FNBP1: variants seen among roughly 807,000 people sequenced by gnomAD.
The protein encoded by FNBP1 is formin-binding protein 1.
A neutral mutation model predicts 90.6 loss-of-function variants in FNBP1; 26 were observed. That is an observed-to-expected ratio of 0.29 (90% confidence interval 0.21 to 0.40). The LOEUF is 0.40. Ranked by LOEUF, FNBP1 falls within the 10% of genes least tolerant of loss-of-function variation. FNBP1 has a pLI of 1.00. For missense variants in FNBP1, 635 were observed against 768.0 expected (o/e 0.83, Z 2.05); for synonymous variants, 260 against 265.2 (o/e 0.98, Z 0.19).
chr9:130,032,568 T>C (rs903713691), intron 1 of FNBP1, among the ~76,000 whole-genome samples: 1 of 152,196 alleles, frequency 6.6e-6, no homozygotes, highest in African/African-American at 2.4e-5. Flanking sequence ...TGCCCAAACA[T>C]TTCCAGAAAT....
At position 129,889,399 on chromosome 9, in the gene FNBP1, G is replaced by A. The variant is rs2034929577; in HGVS notation, c.*1140C>T. 1 of 180,286 alleles carries A rather than the reference G, an allele frequency of 5.5e-6. No individual in the cohort carries two copies. Among genetic ancestry groups the A allele is most frequent in the Non-Finnish European group, 1.2e-5 (1 of 84,266 alleles). The allele number at this position is 180,286 out of a possible 1,614,324, so 11.2% of individuals were successfully genotyped here. A position where few individuals can be genotyped will look rare whatever the true frequency, so the allele number is the denominator to read the frequency against. ...AGCCTGACCAACACGGTGAAACCCT[G>A]TCTCTACTAAAAATACAAACATTAG... On this transcript the variant is annotated 3_prime_UTR_variant, in exon 17 of 17. Coordinates refer to ENST00000446176, the MANE Select transcript of FNBP1 (RefSeq NM_015033.3).
Position 129,953,414 on chromosome 9 carries a change from C to T in FNBP1, c.513+3946G>A, listed in dbSNP as rs187089783. Among the ~76,000 whole-genome samples, 241 of 152,088 alleles carry T rather than the reference C, an allele frequency of 1.6e-3. 1 individual carries two copies. The highest frequency in any genetic ancestry group is 3.4e-3 in the Middle Eastern group (1 of 294). On this transcript the variant is annotated intron_variant, in intron 6 of 16. Transcript: ENST00000446176. ...CTGAGGCAGGAGAACTGCTTGAACC[C>T]GGGAGGCAGAGGTTGCAATGAGCCA... is the stretch of plus-strand genomic sequence containing the variant.
rs1209798784 is a variant in FNBP1 at position 129,965,214 on chromosome 9, A to C, written c.346-6661T>G. On this transcript the variant is annotated intron_variant, in intron 4 of 16. Transcript: ENST00000446176. Reference sequence around the variant, plus strand: ...AGTGGGTATGTCGTACCCCACTTAAAACCCAAACCAGAAACCAGAAACGTT... The same window carrying C: ...AGTGGGTATGTCGTACCCCACTTAACACCCAAACCAGAAACCAGAAACGTT... Among the ~76,000 whole-genome samples, 4 of 152,238 alleles carry C rather than the reference A, an allele frequency of 2.6e-5. No homozygotes were observed. In the South Asian group the frequency reaches 6.2e-4, roughly 24 times the overall value.
intron 1 of FNBP1, among the ~76,000 whole-genome samples, chr9:130,002,438 G>C (rs185047151): frequency 6.6e-6 from 1 of 152,104 alleles, no homozygotes; most frequent in African/African-American, 2.4e-5. Context: ...CCTTGGTGCC[G>C]TCCTTGACGT....
intron 6 of FNBP1, among the ~76,000 whole-genome samples, chr9:129,935,716 T>C (rs1290529364): frequency 1.3e-5 from 2 of 152,148 alleles, no homozygotes; most frequent in African/African-American, 4.8e-5. Flanking sequence ...CTCGATCTCC[T>C]GACCTCGTGA....
intron 16 of FNBP1, among the ~76,000 whole-genome samples, chr9:129,892,660 C>G (rs1165766528): frequency 6.6e-6 from 1 of 152,136 alleles, no homozygotes; most frequent in Non-Finnish European, 1.5e-5. Context: ...TTTATATTAA[C>G]AGACAACTGC....
intron 6 of FNBP1, among the ~76,000 whole-genome samples, chr9:129,948,497 T>C (rs1028455168): frequency 6.7e-6 from 1 of 149,826 alleles, no homozygotes; most frequent in African/African-American, 2.5e-5. Context: ...CCTGAGTAAG[T>C]GGGATTACAG....
chr9:130,033,082 C>T (rs1448015247), intron 1 of FNBP1, among the ~76,000 whole-genome samples: 1 of 152,084 alleles, frequency 6.6e-6, no homozygotes, highest in African/African-American at 2.4e-5. Context: ...CAGTTTGTTC[C>T]CAGGGACCAG....
intron 1 of FNBP1, among the ~76,000 whole-genome samples, chr9:130,025,778 G>T (rs978848903): frequency 3.9e-5 from 6 of 152,156 alleles, no homozygotes; most frequent in African/African-American, 1.4e-4. Context: ...ACAAAAATTA[G>T]CCGGGCGTGG....
intron 6 of FNBP1, among the ~76,000 whole-genome samples, chr9:129,943,985 T>C (rs2044759718): frequency 2.8e-4 from 1 of 3,532 alleles, no homozygotes; most frequent in Admixed American, 4.6e-3. Flanking sequence ...AGAGCGAGAC[T>C]CCATCTCAAA....
At chr9:129,910,285 A>G in intron 11 of FNBP1, 1 of 432,944 alleles carries the variant, frequency 2.3e-6, no homozygotes, top group South Asian at 1.6e-5. Flanking sequence ...GTTTGAGACC[A>G]GCCTGGCCAA....
chr9:129,999,816 C>T (rs75799376), intron 1 of FNBP1, among the ~76,000 whole-genome samples: 1,885 of 152,056 alleles, frequency 0.012, 49 homozygotes, highest in African/African-American at 0.042. Context: ...AGAATGGCAC[C>T]GTGTTACATT....
upstream of FNBP1, among the ~76,000 whole-genome samples, chr9:130,046,580 C>CA (rs56392821): frequency 0.02 from 1,315 of 66,710 alleles, 7 homozygotes; most frequent in East Asian, 0.036. Context: ...ACTAAAAATA[C>CA]AAAAAAAAAA....
At position 129,997,441 on chromosome 9, in the gene FNBP1, C is replaced by T. The variant is rs2054179839; in HGVS notation, c.25-2483G>A. On this transcript the variant is annotated intron_variant, in intron 1 of 16. Coordinates refer to ENST00000446176, the MANE Select transcript of FNBP1 (RefSeq NM_015033.3). ...TCCTCAATAATATATATTCCACAAACCCCTAGATTTCAGTTTAAGAAACAC... is the reference window on the plus strand; with the variant it reads ...TCCTCAATAATATATATTCCACAAATCCCTAGATTTCAGTTTAAGAAACAC... Among the ~76,000 whole-genome samples, 3 of 152,254 alleles carry T rather than the reference C, an allele frequency of 2.0e-5. No homozygotes were observed. In the South Asian group the frequency reaches 6.2e-4, roughly 32 times the overall value.
At chr9:130,040,755 C>T (rs1171386305) in intron 1 of FNBP1, among the ~76,000 whole-genome samples, 3 of 152,054 alleles carry the variant, frequency 2.0e-5, no homozygotes, top group African/African-American at 7.2e-5. Flanking sequence ...AGTTCACATC[C>T]TTCTCCTTTA....
intron 6 of FNBP1, among the ~76,000 whole-genome samples, chr9:129,942,815 C>T (rs2044523575): frequency 1.4e-5 from 2 of 146,106 alleles, no homozygotes; most frequent in Admixed American, 7.1e-5. Flanking sequence ...ATCGGGGTCA[C>T]ATTCATCCTG....
rs1033629976 is a variant in FNBP1 at position 130,033,129 on chromosome 9, T to C, written c.24+9823A>G. On this transcript the variant is annotated intron_variant, in intron 1 of 16. Coordinates refer to ENST00000446176, the MANE Select transcript of FNBP1 (RefSeq NM_015033.3). ...TTAACCTTCCCCATGATTATAATAA[T>C]TTGTGTTTACCTATCACCTTTCATC... Among the ~76,000 whole-genome samples, 5 of 152,180 alleles carry C rather than the reference T, an allele frequency of 3.3e-5. No homozygotes were observed. In the South Asian group the frequency reaches 1.0e-3, roughly 31 times the overall value.
intron 6 of FNBP1, among the ~76,000 whole-genome samples, chr9:129,948,328 T>C (rs1003703789): frequency 2.0e-5 from 3 of 151,014 alleles, no homozygotes; most frequent in Admixed American, 2.0e-4. Context: ...TCTGTGCTAT[T>C]GCTCATACAA....
chr9:129,909,985 C>T lies in FNBP1; in HGVS notation c.1186-986G>A, dbSNP rs183690511. Among the ~76,000 whole-genome samples, 278 of 152,258 alleles carry T rather than the reference C, an allele frequency of 1.8e-3. 4 individuals are homozygous for T. The highest frequency in any genetic ancestry group is 0.017 in the Admixed American group (262 of 15,288). ...TTCCACAGTGTACGAAACTCATCTC[C>T]GCGGTTTTTAATCTGTCAGAAGAAC... On this transcript the variant is annotated intron_variant, in intron 11 of 16. Transcript: ENST00000446176.
Sources: gnomAD v4.1 joint callset for allele counts (sites outside exome capture counted in the v4.1 genomes callset) on GRCh38, gnomAD v4.1.1 for gene constraint, MANE v1.5 for transcripts, NCBI Gene and HGNC (gene_info 2026-07-23, HGNC 2026-07-21) for gene names.